Variants in HMGCLL1 observed in about 807,000 individuals in gnomAD.
HMGCLL1 encodes 3-hydroxy-3-methylglutaryl-CoA lyase like 1, also known as 3-hydroxymethyl-3-methylglutaryl-CoA lyase, cytoplasmic.
Under a neutral mutation model 39.1 loss-of-function variants are expected in HMGCLL1, and 36 were observed. That is an observed-to-expected ratio of 0.92 (90% CI 0.71 to 1.22). The LOEUF (loss-of-function observed/expected upper bound fraction) is 1.22. Among genes scored for constraint, HMGCLL1 ranks in the 50% most tolerant of loss-of-function variants. The pLI is 0.00. For missense variants in HMGCLL1, 451 were observed against 416.5 expected (o/e 1.08, Z -0.72); for synonymous variants, 149 against 144.0 (o/e 1.03, Z -0.25).
chr6:55,652,139 G>A, the HMGCLL1 span, among the ~76,000 whole-genome samples: 1 of 152,178 alleles, frequency 6.6e-6, no homozygotes, highest in East Asian at 1.9e-4. Context: ...GTCACGGGGA[G>A]GGGAGATAAG....
intron 7 of HMGCLL1, among the ~76,000 whole-genome samples, chr6:55,446,228 A>G (rs1208557422): frequency 6.7e-6 from 1 of 149,332 alleles, no homozygotes; most frequent in Non-Finnish European, 1.5e-5. Context: ...TAAATTATAT[A>G]CATATTTATA....
At chr6:55,655,566 A>AGATAGAT in the HMGCLL1 span, among the ~76,000 whole-genome samples, 4 of 151,782 alleles carry the variant, frequency 2.6e-5, no homozygotes, top group African/African-American at 9.7e-5. Context: ...ATAGATAGAT[A>AGATAGAT]GATAGATAGA....
In HMGCLL1 at chr6:55,485,669, T is replaced by TACAAATAA. The variant is rs1158956057; in HGVS notation, c.795+9742_795+9749dup. ...CAAGAACAACAATTAATTTAAAAAA[T>TACAAATAA]ACAAATAATCATTAAACATATGAAA... On this transcript the variant is annotated intron_variant, in intron 7 of 8. Transcript: ENST00000274901. Among the ~76,000 whole-genome samples, 57 of 151,936 alleles carry TACAAATAA rather than the reference T, an allele frequency of 3.8e-4. 1 individual carries two copies. Among genetic ancestry groups the TACAAATAA allele is most frequent in the African/African-American group, 1.4e-3 (56 of 41,462 alleles).
chr6:55,638,552 AC>A, the HMGCLL1 span, among the ~76,000 whole-genome samples: 2 of 152,098 alleles, frequency 1.3e-5, no homozygotes, highest in Non-Finnish European at 2.9e-5. Context: ...AACCTAAAAA[AC>A]AAAAACAAAA....
the HMGCLL1 span, among the ~76,000 whole-genome samples, chr6:55,661,668 T>C: frequency 6.6e-6 from 1 of 152,078 alleles, no homozygotes; most frequent in African/African-American, 2.4e-5. Flanking sequence ...CTTATTCTTT[T>C]TGCTTAGGAT....
At chr6:55,436,097 G>A (rs1459942076) in intron 8 of HMGCLL1, among the ~76,000 whole-genome samples, 9 of 151,794 alleles carry the variant, frequency 5.9e-5, no homozygotes, top group East Asian at 5.8e-4. Flanking sequence ...AAGCATCAGC[G>A]AAGGACAATC....
the HMGCLL1 span, among the ~76,000 whole-genome samples, chr6:55,618,157 T>G: frequency 2.0e-4 from 30 of 151,932 alleles, no homozygotes; most frequent in Non-Finnish European, 3.2e-4. Flanking sequence ...ATCAGGATAA[T>G]GGGAAGGGAG....
At chr6:55,446,519 G>T (rs1470219880) in intron 7 of HMGCLL1, among the ~76,000 whole-genome samples, 2 of 151,786 alleles carry the variant, frequency 1.3e-5, no homozygotes, top group Admixed American at 6.6e-5. Flanking sequence ...AGGCCAGAGA[G>T]AAATGAATAA....
At chr6:55,588,595 A>T in the HMGCLL1 span, among the ~76,000 whole-genome samples, 1 of 151,992 alleles carries the variant, frequency 6.6e-6, no homozygotes, top group Non-Finnish European at 1.5e-5. Flanking sequence ...AAAACCCTTT[A>T]AAAAAATCAA....
At chr6:55,600,960 A>G in the HMGCLL1 span, among the ~76,000 whole-genome samples, 1 of 152,214 alleles carries the variant, frequency 6.6e-6, no homozygotes, top group Non-Finnish European at 1.5e-5. Context: ...TGAGAAAATC[A>G]TAGTTTAAGA....
At chr6:55,614,370 C>T in the HMGCLL1 span, among the ~76,000 whole-genome samples, 3 of 152,060 alleles carry the variant, frequency 2.0e-5, no homozygotes, top group Non-Finnish European at 4.4e-5. Flanking sequence ...ATAAGAAGCA[C>T]GGTCTGCAAA....
the HMGCLL1 span, among the ~76,000 whole-genome samples, chr6:55,657,952 A>G: frequency 1.3e-5 from 2 of 151,856 alleles, no homozygotes; most frequent in African/African-American, 4.8e-5. Flanking sequence ...AAAATAACTA[A>G]TGGGTACTAG....
At chr6:55,539,642 G>C (rs986184482) in intron 3 of HMGCLL1, among the ~76,000 whole-genome samples, 3 of 151,572 alleles carry the variant, frequency 2.0e-5, no homozygotes, top group African/African-American at 7.3e-5. Flanking sequence ...ATAAGTGGGA[G>C]CTAAATGATG....
the HMGCLL1 span, among the ~76,000 whole-genome samples, chr6:55,589,538 G>A: frequency 6.6e-6 from 1 of 152,182 alleles, no homozygotes; most frequent in African/African-American, 2.4e-5. Flanking sequence ...CATAGTGTTA[G>A]AAGTTCTGGC....
the HMGCLL1 span, among the ~76,000 whole-genome samples, chr6:55,599,814 C>G: frequency 6.6e-6 from 1 of 152,026 alleles, no homozygotes; most frequent in Non-Finnish European, 1.5e-5. Context: ...TTAGTGAAAA[C>G]AAATGTACTG....
intron 7 of HMGCLL1, among the ~76,000 whole-genome samples, chr6:55,486,113 GTA>G (rs955284231): frequency 4.0e-5 from 6 of 148,680 alleles, no homozygotes; most frequent in East Asian, 2.0e-4. Flanking sequence ...GTGTGTGTGT[GTA>G]TATATATAGT....
chr6:55,490,841 T>A (rs1408931219), intron 7 of HMGCLL1, among the ~76,000 whole-genome samples: 1 of 152,030 alleles, frequency 6.6e-6, no homozygotes, highest in Admixed American at 6.6e-5. Flanking sequence ...TATATTAATA[T>A]AAAGATGTTG....
At chr6:55,484,485 A>G (rs1765909352) in intron 7 of HMGCLL1, among the ~76,000 whole-genome samples, 1 of 151,926 alleles carries the variant, frequency 6.6e-6, no homozygotes, top group Non-Finnish European at 1.5e-5. Flanking sequence ...GCAACTGCCT[A>G]CTCAAAAGCT....
chr6:55,610,884 C>A, the HMGCLL1 span, among the ~76,000 whole-genome samples: 1 of 152,222 alleles, frequency 6.6e-6, no homozygotes, highest in East Asian at 1.9e-4. Context: ...CAATATTCAA[C>A]ACTCTTAAAA....
Sources: gnomAD v4.1 joint callset for allele counts (sites outside exome capture counted in the v4.1 genomes callset) on GRCh38, gnomAD v4.1.1 for gene constraint, MANE v1.5 for transcripts, NCBI Gene and HGNC (gene_info 2026-07-23, HGNC 2026-07-21) for gene names.